Variants in SEL1L3 observed in about 807,000 individuals in gnomAD.
The protein encoded by SEL1L3 is protein sel-1 homolog 3.
In SEL1L3, 76 loss-of-function variants were observed where a neutral mutation model predicts 142.8. The observed-to-expected ratio is 0.53, with a 90% CI of 0.44 to 0.64. The LOEUF (loss-of-function observed/expected upper bound fraction) is 0.64. Among genes scored for constraint, SEL1L3 ranks in the 30% least tolerant of loss-of-function variants. SEL1L3 has a pLI of 0.00. For missense variants in SEL1L3, 1,262 were observed against 1,381.7 expected, an observed-to-expected ratio of 0.91 and a Z score of 1.37; for synonymous variants, 504 against 519.6, an observed-to-expected ratio of 0.97 and a Z score of 0.41.
chr4:25,750,100 G>C (rs1560271575), intron 23 of SEL1L3, among the ~76,000 whole-genome samples: 2 of 152,078 alleles, frequency 1.3e-5, no homozygotes, highest in African/African-American at 4.8e-5. Context: ...CGGGCGTGGT[G>C]GCACGTGCCT....
At chr4:25,820,682 T>G (rs895278608) in intron 7 of SEL1L3, among the ~76,000 whole-genome samples, 7 of 152,266 alleles carry the variant, frequency 4.6e-5, no homozygotes, top group Non-Finnish European at 7.3e-5. Flanking sequence ...AGCAAGGGTA[T>G]GTATTCTTAG....
intron 9 of SEL1L3, among the ~76,000 whole-genome samples, chr4:25,811,999 G>A (rs987511908): frequency 2.0e-5 from 3 of 152,144 alleles, no homozygotes; most frequent in Non-Finnish European, 4.4e-5. Context: ...TACACCATTC[G>A]ATCCTACATG....
Position 25,788,282 on chromosome 4 carries a change from C to A in SEL1L3, c.2159G>T (p.Gly720Val). ...PEAAIEWYAK[G>V]ALETEDPALI... is the part of the protein sequence containing the mutation. ...CGCAGGATCCTCCGTCTCCAGGGCGCCCTTGGCGTACCACTCAATTGCTGC... is the reference window on the plus strand; with the variant it reads ...CGCAGGATCCTCCGTCTCCAGGGCGACCTTGGCGTACCACTCAATTGCTGC... Residue 720 changes from glycine to valine, a missense_variant, in exon 13 of 24, where the codon GGC becomes GTC. Physicochemically the swap from Gly to Val is moderately radical, Grantham distance 109. Around this residue, in one of 3 missense-constraint regions of SEL1L3, gnomAD observed 435 missense variants for 559.2 expected, o/e 0.78. Transcript: ENST00000399878. The surrounding 1 kb of genome is among the most constrained non-coding windows in gnomAD (Gnocchi z 5.3). 1 of 1,613,928 alleles carries A rather than the reference C, an allele frequency of 6.2e-7. No individual in the cohort carries two copies. The highest frequency in any genetic ancestry group is 8.5e-7 in the Non-Finnish European group (1 of 1,179,876).
At chr4:25,714,545 T>C in the SEL1L3 span, among the ~76,000 whole-genome samples, 16 of 138,756 alleles carry the variant, frequency 1.2e-4, no homozygotes, top group African/African-American at 4.3e-4. Flanking sequence ...TCTTTCTTTC[T>C]TTCTTTCTTC....
At chr4:25,837,012 G>A (rs922261537) in intron 2 of SEL1L3, among the ~76,000 whole-genome samples, 2 of 152,062 alleles carry the variant, frequency 1.3e-5, no homozygotes, top group East Asian at 1.9e-4. Flanking sequence ...TTTGTTACAA[G>A]TAGAGATGCA....
At chr4:25,805,698 C>G (rs578255105) in intron 9 of SEL1L3, among the ~76,000 whole-genome samples, 1 of 152,290 alleles carries the variant, frequency 6.6e-6, no homozygotes, top group East Asian at 1.9e-4. Flanking sequence ...TAAAGTCTAT[C>G]TTTGTTATTC....
rs1015472735 is a variant in SEL1L3 at position 25,784,219 on chromosome 4, A to G, written c.2280+9T>C. The G allele has an allele frequency of 1.2e-6, 2 of 1,608,494 alleles. No homozygotes were observed. The highest frequency in any genetic ancestry group is 1.7e-5 in the Admixed American group (1 of 60,008). On this transcript the variant is annotated intron_variant, in intron 14 of 23. Transcript: ENST00000399878. ...GAACTGTTTCCCTCTGACAATATGC[A>G]TGTGTTACCTTGGAAGCTGCTTTCT...
At position 25,862,824 on chromosome 4, in the gene SEL1L3, C is replaced by G; in HGVS notation, c.13G>C (p.Gly5Arg). 2 of 1,134,822 alleles carry G rather than the reference C, an allele frequency of 1.8e-6. No homozygotes were observed. The highest frequency in any genetic ancestry group is 2.2e-6 in the Non-Finnish European group (2 of 927,256). 70.3% of individuals were successfully genotyped at this position (1,134,822 alleles called of 1,614,324 possible). A position where few individuals can be genotyped will look rare whatever the true frequency, so the allele number is the denominator to read the frequency against. ...TGCCGCGGCCACCCGAGCCCCGCGC[C>G]GCGCCGCTGCATGGCGAGGCCGCCC... MQRRGAGLGWPRQQQ... is the reference protein window; with the variant it reads MQRRRAGLGWPRQQQ... Residue 5 changes from glycine to arginine, a missense_variant, in exon 1 of 24, where the codon GGC becomes CGC. Physicochemically the swap from Gly to Arg is moderately radical, Grantham distance 125 (BLOSUM62 -2). Coordinates refer to ENST00000399878, the MANE Select transcript of SEL1L3 (RefSeq NM_015187.5).
chr4:25,853,674 T>A (rs1238954691), intron 1 of SEL1L3, among the ~76,000 whole-genome samples: 1 of 141,168 alleles, frequency 7.1e-6, no homozygotes, highest in African/African-American at 2.7e-5. Context: ...CTTTTTTTTT[T>A]TTTTTTTTTT....
chr4:25,746,531 A>ATAT (rs1560268994), downstream of SEL1L3, among the ~76,000 whole-genome samples: 1 of 119,686 alleles, frequency 8.4e-6, no homozygotes, highest in African/African-American at 3.7e-5. Context: ...TATATATTTA[A>ATAT]ATATATATAT....
At chr4:25,851,666 G>A (rs536477291) in intron 1 of SEL1L3, among the ~76,000 whole-genome samples, 7 of 151,954 alleles carry the variant, frequency 4.6e-5, no homozygotes, top group African/African-American at 1.7e-4. Flanking sequence ...TGAGGTGGGC[G>A]GTTCACGAAG....
intron 2 of SEL1L3, among the ~76,000 whole-genome samples, chr4:25,843,590 C>T (rs1013578121): frequency 6.6e-6 from 1 of 152,198 alleles, no homozygotes; most frequent in Non-Finnish European, 1.5e-5. Flanking sequence ...AACAGAAACG[C>T]CCAGTCCCCT....
chr4:25,795,693 C>T (rs1712687352), intron 11 of SEL1L3, among the ~76,000 whole-genome samples: 1 of 152,168 alleles, frequency 6.6e-6, no homozygotes, highest in Non-Finnish European at 1.5e-5. Context: ...CCACCACACG[C>T]TGCCTGCCAC....
intron 7 of SEL1L3, among the ~76,000 whole-genome samples, chr4:25,821,541 T>C (rs1714756423): frequency 6.6e-6 from 1 of 152,252 alleles, no homozygotes; most frequent in African/African-American, 2.4e-5. Flanking sequence ...TCCATACAAC[T>C]GCTGCCAACC....
In SEL1L3 at chr4:25,862,886, C is replaced by A; in HGVS notation, c.-50G>T. ...GGAACAGGTCACCTGGTGCAGGGACCGGCCCCCGCCCGAGGCGCCACCTTC... is the reference window on the plus strand; with the variant it reads ...GGAACAGGTCACCTGGTGCAGGGACAGGCCCCCGCCCGAGGCGCCACCTTC... On this transcript the variant is annotated 5_prime_UTR_variant, in exon 1 of 24. Coordinates refer to ENST00000399878, the MANE Select transcript of SEL1L3 (RefSeq NM_015187.5). 5 of 1,049,180 alleles carry A rather than the reference C, an allele frequency of 4.8e-6. No homozygotes were observed. The highest frequency in any genetic ancestry group is 5.7e-6 in the Non-Finnish European group (5 of 872,964). The allele number at this position is 1,049,180 out of a possible 1,614,324, so 65.0% of individuals were successfully genotyped here. A position where few individuals can be genotyped will look rare whatever the true frequency, so the allele number is the denominator to read the frequency against.
At chr4:25,792,190 TA>T (rs914848661) in intron 11 of SEL1L3, among the ~76,000 whole-genome samples, 6 of 151,696 alleles carry the variant, frequency 4.0e-5, no homozygotes, top group East Asian at 3.9e-4. Context: ...AGATACGTGG[TA>T]TTTTTTTCCT....
At chr4:25,759,189 T>G in intron 20 of SEL1L3, 121 bp from the exon 21 acceptor site, 2 of 1,014,916 alleles carry the variant, frequency 2.0e-6, no homozygotes, top group Non-Finnish European at 2.9e-6. Flanking sequence ...TAGAGCCAGA[T>G]GGTTTTGTCA....
intron 17 of SEL1L3, among the ~76,000 whole-genome samples, chr4:25,775,910 C>G (rs962929797): frequency 2.6e-5 from 4 of 152,078 alleles, no homozygotes; most frequent in Non-Finnish European, 5.9e-5. Context: ...AAATTCTGGA[C>G]TTTCTGTGGC....
chr4:25,804,466 A>G, intron 10 of SEL1L3, 75 bp downstream of exon 10: 1 of 1,102,260 alleles, frequency 9.1e-7, no homozygotes, highest in Non-Finnish European at 1.4e-6. Context: ...GTCCAGTTCT[A>G]CCAGGGGCAC....
Sources: allele counts gnomAD v4.1 joint callset (sites outside exome capture counted in the v4.1 genomes callset), GRCh38; gene constraint gnomAD v4.1.1; regional missense constraint gnomAD v4.1.1; non-coding constraint Gnocchi (gnomAD v3.1); transcripts MANE v1.5; gene names NCBI Gene and HGNC (gene_info 2026-07-23, HGNC 2026-07-21).